PLCH2: variants seen among roughly 807,000 people sequenced by gnomAD.
PLCH2 encodes the protein 1-phosphatidylinositol 4,5-bisphosphate phosphodiesterase eta-2.
Under a neutral mutation model 134.7 loss-of-function variants are expected in PLCH2, and 98 were observed. That is an observed-to-expected ratio of 0.73 (90% CI 0.62 to 0.86). The LOEUF (loss-of-function observed/expected upper bound fraction) is 0.86, where lower values mean the gene tolerates loss of function less well. PLCH2 is among the 40% of genes least tolerant of loss of function. The pLI is 0.00. For synonymous variants in PLCH2, 974 were observed against 827.5 expected, an observed-to-expected ratio of 1.18 and a Z score of -3.04; for missense variants, 1,994 against 1,986.6, an observed-to-expected ratio of 1.00 and a Z score of -0.07.
chr1:2,451,039 C>T (rs868609500), intron 2 of PLCH2, among the ~76,000 whole-genome samples: 1 of 151,900 alleles, frequency 6.6e-6, no homozygotes, highest in Non-Finnish European at 1.5e-5. Context: ...CTGGCCCTGG[C>T]CCTGCCATAG....
Position 2,504,400 on chromosome 1 carries a change from C to T in PLCH2, c.3438C>T (p.Ser1146=). 6.2e-7 allele frequency: 1 copy of T among 1,612,570 alleles called. No homozygotes were observed. Among genetic ancestry groups the T allele is most frequent in the Non-Finnish European group, 8.5e-7 (1 of 1,179,782 alleles). The change falls in exon 22 of 22, where the codon TCC becomes TCT. Residue 1146 remains serine, a synonymous_variant. Transcript: ENST00000378486. The part of the protein sequence containing the change: ...PCGHRDSVSS[S]SSMSSSDTVI... Reference sequence around the variant, plus strand: ...GCCACCGAGACAGCGTTTCCTCCTCCTCCAGCATGTCATCCAGCGACACTG... The same window carrying T: ...GCCACCGAGACAGCGTTTCCTCCTCTTCCAGCATGTCATCCAGCGACACTG...
chr1:2,504,596 C>A lies in PLCH2; in HGVS notation c.3634C>A (p.Arg1212=), dbSNP rs771191878. 5 of 1,612,616 alleles carry A rather than the reference C, an allele frequency of 3.1e-6. No individual in the cohort carries two copies. In the Admixed American group the frequency reaches 5.0e-5, roughly 16 times the overall value. The change falls in exon 22 of 22, where the codon CGG becomes AGG. Residue 1212 remains arginine (R), a synonymous_variant. Transcript: ENST00000378486. ...SNPNLRATGQ[R]PPIPDELQPR... ...CCCCAACCTTCGGGCTACAGGCCAGCGGCCTCCCATACCTGACGAACTGCA... is the reference window on the plus strand; with the variant it reads ...CCCCAACCTTCGGGCTACAGGCCAGAGGCCTCCCATACCTGACGAACTGCA...
Position 2,444,115 on chromosome 1 carries a change from G to C in PLCH2, c.115+13486G>C, listed in dbSNP as rs1557951974. Among the ~76,000 whole-genome samples, 1 of 152,208 alleles carries C rather than the reference G, an allele frequency of 6.6e-6. No individual in the cohort carries two copies. The highest frequency in any genetic ancestry group is 1.5e-5 in the Non-Finnish European group (1 of 68,030). ...CGGAGGCTCGGATCGCGGTGGCACGGGCAGGGGTGCGGGCGCGGGACTGTG... is the reference window on the plus strand; with the variant it reads ...CGGAGGCTCGGATCGCGGTGGCACGCGCAGGGGTGCGGGCGCGGGACTGTG... On this transcript the variant is annotated intron_variant, in intron 2 of 3. Transcript: ENST00000609981. The surrounding 1 kb of genome is among the most constrained non-coding windows in gnomAD (Gnocchi z 4.6).
chr1:2,433,266 C>G (rs1639156967), intron 2 of PLCH2, among the ~76,000 whole-genome samples: 1 of 152,338 alleles, frequency 6.6e-6, no homozygotes, highest in South Asian at 2.1e-4. Context: ...GTGCTGGGAG[C>G]AGAGGCAGGC....
rs1183473202 is a variant in PLCH2 at position 2,498,215 on chromosome 1, C to T, written c.2225-308C>T. The T allele has an allele frequency of 5.0e-6, 2 of 402,076 alleles. No individual in the cohort carries two copies. Among genetic ancestry groups the T allele is most frequent in the South Asian group, 3.5e-5 (1 of 28,496 alleles). The allele number at this position is 402,076 out of a possible 1,614,324, so 24.9% of individuals were successfully genotyped here. On this transcript the variant is annotated intron_variant, in intron 16 of 21. Coordinates refer to ENST00000378486, the MANE Select transcript of PLCH2 (RefSeq NM_014638.4). This position sits in a 1 kb window ranked among gnomAD's most constrained non-coding sequence, Gnocchi z 5.4. ...CCTGAGTGGGCCCTGGGGACACTGT[C>T]ACCAGAGACCCCACCCCTCATACCC...
At chr1:2,457,879 GAAA>G (rs5772068) in intron 2 of PLCH2, among the ~76,000 whole-genome samples, 6 of 110,774 alleles carry the variant, frequency 5.4e-5, no homozygotes, top group African/African-American at 1.2e-4. Context: ...TTTTAGACCT[GAAA>G]AAAAAAAAAA....
chr1:2,454,464 C>T (rs893755846), intron 2 of PLCH2, among the ~76,000 whole-genome samples: 7 of 152,186 alleles, frequency 4.6e-5, no homozygotes, highest in African/African-American at 9.7e-5. Flanking sequence ...TGGTCCCCTC[C>T]GGGAGGATGG....
intron 2 of PLCH2, among the ~76,000 whole-genome samples, chr1:2,457,270 C>T (rs943122199): frequency 5.3e-5 from 8 of 152,104 alleles, no homozygotes; most frequent in South Asian, 2.1e-4. Flanking sequence ...TGGGCTGGCC[C>T]GCCCTCCACT....
Position 2,468,070 on chromosome 1 carries a change from G to GGAT in PLCH2, c.43+409_43+410insATG, listed in dbSNP as rs757395195. On this transcript the variant is annotated intron_variant, in intron 1 of 21. Transcript: ENST00000449969. ...TGATCCCAGCGGATGCACACTGCTC[G>GGAT]GGTGGGGGGCAGGTCTGGGGGTGCC... 3.7e-3 allele frequency among the ~76,000 whole-genome samples: 559 copies of GGAT among 152,350 alleles called. 4 individuals are homozygous for GGAT. Among genetic ancestry groups the GGAT allele is most frequent in the Non-Finnish European group, 6.5e-3 (440 of 68,034 alleles).
At chr1:2,463,775 C>T (rs184686773), upstream of PLCH2, among the ~76,000 whole-genome samples, 49 of 152,382 alleles carry the variant, frequency 3.2e-4, no homozygotes, top group Non-Finnish European at 5.4e-4. Flanking sequence ...CCACTGCCCT[C>T]CTCTGGGAAC....
chr1:2,496,797 G>C (rs1281099073), intron 14 of PLCH2, 31 bp from the exon 15 acceptor site: 1 of 1,610,218 alleles, frequency 6.2e-7, no homozygotes, highest in Non-Finnish European at 8.5e-7. Flanking sequence ...TCGAGGACTG[G>C]CAGTCTGATG....
chr1:2,478,673 G>A (rs929753284), intron 2 of PLCH2, 51 bp downstream of exon 2: 9 of 1,530,648 alleles, frequency 5.9e-6, no homozygotes, highest in African/African-American at 4.1e-5. Context: ...GGGGGGACAC[G>A]ACGGTAGGGA....
In PLCH2 at chr1:2,468,066, GCTC is replaced by G. The variant is rs751589520; in HGVS notation, c.43+405_43+407del. The stretch of plus-strand genomic sequence containing the variant: ...AGCTTGATCCCAGCGGATGCACACT[GCTC>G]GGGTGGGGGGCAGGTCTGGGGGTGC... On this transcript the variant is annotated intron_variant, in intron 1 of 21. Transcript: ENST00000449969. Among the ~76,000 whole-genome samples the G allele has an allele frequency of 3.7e-3, 559 of 152,326 alleles. 4 individuals carry two copies. The highest frequency in any genetic ancestry group is 6.5e-3 in the Non-Finnish European group (440 of 68,022).
chr1:2,473,440 G>A (rs767909345), upstream of PLCH2, among the ~76,000 whole-genome samples: 13 of 152,208 alleles, frequency 8.5e-5, no homozygotes, highest in South Asian at 2.1e-4. Context: ...CCGTCTGCCC[G>A]TCTGTCCACC....
intron 15 of PLCH2, 42 bp downstream of exon 15, chr1:2,497,052 C>G (rs368923123): frequency 6.3e-7 from 1 of 1,576,652 alleles, no homozygotes; most frequent in Admixed American, 1.8e-5. Flanking sequence ...GGGGAGGGCT[C>G]GGCTCAGACG....
chr1:2,445,260 A>G lies in PLCH2; in HGVS notation c.115+14631A>G, dbSNP rs529133806. 2.7e-4 allele frequency among the ~76,000 whole-genome samples: 41 copies of G among 152,174 alleles called. 1 individual carries two copies. In the South Asian group the frequency reaches 8.5e-3, roughly 32 times the overall value. On this transcript the variant is annotated intron_variant, in intron 2 of 3. Transcript: ENST00000609981. Reference sequence around the variant, plus strand: ...CCCACAGGCCCCTTCCCTGAGGCTGAACGCCTGATGGCCCTGCCCTCTGGG... The same window carrying G: ...CCCACAGGCCCCTTCCCTGAGGCTGGACGCCTGATGGCCCTGCCCTCTGGG...
At chr1:2,495,039 C>CA (rs550652248) in intron 12 of PLCH2, 91 bp downstream of exon 12, 2 of 891,416 alleles carry the variant, frequency 2.2e-6, no homozygotes, top group Non-Finnish European at 3.5e-6. Context: ...CCCAGTGCCC[C>CA]GTGTCCTCCC....
intron 21 of PLCH2, chr1:2,502,931 G>A (rs1267628612): frequency 4.2e-6 from 3 of 717,224 alleles, no homozygotes; most frequent in Middle Eastern, 2.3e-4. Flanking sequence ...CTTGCCCTGC[G>A]TGGTCCTCCC....
At position 2,498,368 on chromosome 1, in the gene PLCH2, G is replaced by A; in HGVS notation, c.2225-155G>A. The A allele has an allele frequency of 6.7e-6, 5 of 750,116 alleles. No individual in the cohort carries two copies. The highest frequency in any genetic ancestry group is 1.1e-5 in the Non-Finnish European group (5 of 469,494). The allele number at this position is 750,116 out of a possible 1,614,324, so 46.5% of individuals were successfully genotyped here. A position where few individuals can be genotyped will look rare whatever the true frequency, so the allele number is the denominator to read the frequency against. On this transcript the variant is annotated intron_variant, in intron 16 of 21. Coordinates refer to ENST00000378486, the MANE Select transcript of PLCH2 (RefSeq NM_014638.4). The surrounding 1 kb of genome is among the most constrained non-coding windows in gnomAD (Gnocchi z 5.4). ...CATACTGGGCCAGGTGCACCCCGAG[G>A]TGCCCCCCTGGACCACTGCCTCCCT...
Sources: allele counts gnomAD v4.1 joint callset (sites outside exome capture counted in the v4.1 genomes callset), GRCh38; gene constraint gnomAD v4.1.1; non-coding constraint Gnocchi (gnomAD v3.1); transcripts MANE v1.5; gene names NCBI Gene and HGNC (gene_info 2026-07-23, HGNC 2026-07-21).